The following KIR3DL3 variants were observed in gnomAD, a reference collection of about 807,000 sequenced individuals.
KIR3DL3 encodes the protein killer cell immunoglobulin-like receptor 3DL3.
KIR3DL3 carries 27 observed loss-of-function variants against 34.9 expected under a neutral mutation model. The observed-to-expected ratio is 0.77, with a 90% CI of 0.57 to 1.07. The LOEUF is 1.07. Among genes scored for constraint, KIR3DL3 ranks in the 50% least tolerant of loss-of-function variants. The probability of loss-of-function intolerance (pLI) is 0.00; values close to 1 mark genes in which losing one functional copy is unlikely to be tolerated. For missense variants in KIR3DL3, 681 were observed against 528.5 expected (o/e 1.29, Z -2.83); for synonymous variants, 217 against 200.2 (o/e 1.08, Z -0.71).
At chr19:54,734,390 C>A (rs1364179576) in intron 5 of KIR3DL3, among the ~76,000 whole-genome samples, 3 of 150,624 alleles carry the variant, frequency 2.0e-5, no homozygotes, top group African/African-American at 2.4e-5. Context: ...ACAACAGAAA[C>A]CTACATTTCA....
chr19:54,725,423 G>T lies in KIR3DL3; in HGVS notation c.70+141G>T, dbSNP rs2146743329. ...GGGAATCTCTCATGAACTAGGAAAAGGAAGCCAGGGGAAGCTTCGCCACAG... is the reference window on the plus strand; with the variant it reads ...GGGAATCTCTCATGAACTAGGAAAATGAAGCCAGGGGAAGCTTCGCCACAG... On this transcript the variant is annotated intron_variant, in intron 2 of 7. Transcript: ENST00000291860. 6 of 699,918 alleles carry T rather than the reference G, an allele frequency of 8.6e-6. No individual in the cohort carries two copies. The East Asian group carries it at 1.6e-4, about 18-fold the overall frequency. The allele number at this position is 699,918 out of a possible 1,614,324, so 43.4% of individuals were successfully genotyped here. A position where few individuals can be genotyped will look rare whatever the true frequency, so the allele number is the denominator to read the frequency against.
Position 54,729,400 on chromosome 19 carries a change from T to C in KIR3DL3, c.656-93T>C, listed in dbSNP as rs1225575730. On this transcript the variant is annotated intron_variant, in intron 4 of 7. Transcript: ENST00000291860. ...TGAGAGAGAGAAAGAGAGCATTAAG[T>C]CATAGAGCAGGGGAGTGAGTTCTCA... The C allele has an allele frequency of 2.2e-5, 28 of 1,250,036 alleles. No homozygotes were observed. In the South Asian group the frequency reaches 3.8e-4, roughly 17 times the overall value. The allele number at this position is 1,250,036 out of a possible 1,614,324, so 77.4% of individuals were successfully genotyped here. A position where few individuals can be genotyped will look rare whatever the true frequency, so the allele number is the denominator to read the frequency against.
Position 54,735,270 on chromosome 19 carries a change from C to A in KIR3DL3, c.967C>A (p.His323Asn), listed in dbSNP as rs1480255798. ...TCCTCCAGGTAACTCCAGAAACCTGCACGTTCTGATTGGGACCTCAGTGGT... is the reference window on the plus strand; with the variant it reads ...TCCTCCAGGTAACTCCAGAAACCTGAACGTTCTGATTGGGACCTCAGTGGT... ...VSVTGNSRNL[H>N]VLIGTSVVII... Residue 323 changes from histidine to asparagine, a missense_variant, in exon 6 of 8, where the codon CAC (histidine) becomes AAC (asparagine). Physicochemically the swap from His to Asn is moderately conservative, Grantham distance 68. Transcript: ENST00000291860. 2.6e-6 allele frequency: 4 copies of A among 1,511,308 alleles called. No homozygotes were observed. In the African/African-American group the frequency reaches 4.4e-5, roughly 17 times the overall value. 93.6% of individuals were successfully genotyped at this position (1,511,308 alleles called of 1,614,324 possible). A position where few individuals can be genotyped will look rare whatever the true frequency, so the allele number is the denominator to read the frequency against.
chr19:54,733,611 G>A (rs76445578), intron 5 of KIR3DL3, among the ~76,000 whole-genome samples: 21,413 of 152,200 alleles, frequency 0.14, 2,111 homozygotes, highest in East Asian at 0.5. Context: ...ATTTCTCTGT[G>A]TTTAATTCTT....
At chr19:54,724,880 GAGATATGGGCCTGGAACTGT>G (rs2067978000) in intron 1 of KIR3DL3, among the ~76,000 whole-genome samples, 1 of 138,098 alleles carries the variant, frequency 7.2e-6, no homozygotes, top group African/African-American at 2.7e-5. Flanking sequence ...CCTGGAGGTG[GAGATATGGGCCTGGAACTGT>G]AGATATGGGC....
rs2068127982 is a variant in KIR3DL3, at chr19:54,726,063, C to G, written c.81C>G (p.Asp27Glu). The G allele has an allele frequency of 6.2e-7, 1 of 1,611,566 alleles. No individual in the cohort carries two copies. The highest frequency in any genetic ancestry group is 8.5e-7 in the Non-Finnish European group (1 of 1,178,356). ...EGPWPHVGGQ[D>E]KPFLSAWPGT... Reference sequence around the variant, plus strand: ...CTCCTTCTCCCCCAGGTGGTCAGGACAAGCCCTTCCTCTCTGCCTGGCCCG... The same window carrying G: ...CTCCTTCTCCCCCAGGTGGTCAGGAGAAGCCCTTCCTCTCTGCCTGGCCCG... Residue 27 changes from aspartate (D) to glutamate (E), a missense_variant, in exon 3 of 8, where the codon GAC (aspartate) becomes GAG (glutamate). Coordinates refer to ENST00000291860, the MANE Select transcript of KIR3DL3 (RefSeq NM_153443.5).
chr19:54,724,524 T>C lies in KIR3DL3; in HGVS notation c.28T>C (p.Cys10Arg). The C allele has an allele frequency of 6.2e-7, 1 of 1,611,622 alleles. No individual in the cohort carries two copies. Among genetic ancestry groups the C allele is most frequent in the South Asian group, 1.1e-5 (1 of 90,968 alleles). Residue 10 changes from cysteine (C) to arginine (R), a missense_variant, in exon 1 of 8, where the codon TGT (cysteine) becomes CGT (arginine). By Grantham distance (180) the Cys-to-Arg change is radical (BLOSUM62 -3). Coordinates refer to ENST00000291860, the MANE Select transcript of KIR3DL3 (RefSeq NM_153443.5). ...GTCGCTCATGGTCGTCAGCATGGCG[T>C]GTGTTGGTGAGTCCTGGAAGGGAAT... The part of the protein sequence containing the change: MSLMVVSMA[C>R]VGFFLLEGPW...
At chr19:54,730,642 G>A (rs1408932780) in intron 5 of KIR3DL3, among the ~76,000 whole-genome samples, 4 of 151,614 alleles carry the variant, frequency 2.6e-5, no homozygotes, top group Non-Finnish European at 4.4e-5. Context: ...CTGGCCTCTG[G>A]TAGCCACCAT....
chr19:54,730,469 T>G (rs35469929), intron 5 of KIR3DL3, among the ~76,000 whole-genome samples: 112,828 of 149,212 alleles, frequency 0.76, 42,898 homozygotes, highest in East Asian at 0.99. Context: ...AGCTACTTGG[T>G]AGGGTTGGGC....
At chr19:54,729,878 T>G (rs2068622984) in intron 5 of KIR3DL3, 92 bp downstream of exon 5, 8 of 1,277,710 alleles carry the variant, frequency 6.3e-6, no homozygotes. Flanking sequence ...CATGGACAGA[T>G]GCCGAGACAG....
At chr19:54,726,771 G>A (rs2068229381) in intron 3 of KIR3DL3, among the ~76,000 whole-genome samples, 1 of 133,946 alleles carries the variant, frequency 7.5e-6, no homozygotes, top group Non-Finnish European at 1.6e-5. Flanking sequence ...GAGCCACAAA[G>A]GCAGGTGGCC....
intron 5 of KIR3DL3, among the ~76,000 whole-genome samples, chr19:54,731,292 C>T (rs1478095196): frequency 2.6e-5 from 4 of 152,058 alleles, no homozygotes; most frequent in Non-Finnish European, 5.9e-5. Context: ...AGGCATGAAC[C>T]ACTGTGCCCG....
intron 5 of KIR3DL3, among the ~76,000 whole-genome samples, chr19:54,734,846 G>A (rs142430937): frequency 0.019 from 2,382 of 124,216 alleles, 117 homozygotes; most frequent in South Asian, 0.053. Flanking sequence ...GGACCAAGGG[G>A]GAGGGGGAGC....
intron 5 of KIR3DL3, among the ~76,000 whole-genome samples, chr19:54,733,265 G>A (rs1485048200): frequency 2.0e-5 from 3 of 152,066 alleles, no homozygotes; most frequent in East Asian, 3.9e-4. Flanking sequence ...GTGGATGGGG[G>A]CTCACACCTG....
At chr19:54,734,056 T>C (rs2069141084) in intron 5 of KIR3DL3, among the ~76,000 whole-genome samples, 1 of 152,210 alleles carries the variant, frequency 6.6e-6, no homozygotes, top group Admixed American at 6.5e-5. Context: ...AAGTAGCATG[T>C]TGTTCCTGGG....
chr19:54,729,568 G>A lies in KIR3DL3; in HGVS notation c.731G>A (p.Cys244Tyr). The A allele has an allele frequency of 6.2e-7, 1 of 1,606,884 alleles. No individual in the cohort carries two copies. ...GCAGGAGAGAATGTGACCTTGTCCT[G>A]CAGCTCCCGGAGCTTGTTTGACATT... ...VQAGENVTLS[C>Y]SSRSLFDIYH... The change falls in exon 5 of 8, where the codon TGC (cysteine) becomes TAC (tyrosine). Residue 244 changes from cysteine (C) to tyrosine (Y), a missense_variant. By Grantham distance (194) the Cys-to-Tyr change is radical. Coordinates refer to ENST00000291860, the MANE Select transcript of KIR3DL3 (RefSeq NM_153443.5).
Position 54,727,647 on chromosome 19 carries a change from GT to G in KIR3DL3, c.393del (p.Leu133TrpfsTer2). The G allele has an allele frequency of 6.2e-7, 1 of 1,611,896 alleles. No homozygotes were observed. Among genetic ancestry groups the G allele is most frequent in the South Asian group, 1.1e-5 (1 of 90,952 alleles). ...AAACCTTCCCTCCTGGCCCACCCAGGTCCCCTGGTGAAATCAGGAGAGACGG... is the reference window on the plus strand; with the variant it reads ...AAACCTTCCCTCCTGGCCCACCCAGGCCCCTGGTGAAATCAGGAGAGACGG... ...HRKPSLLAHP[G>X]PLVKSGETVI... On this transcript the variant is annotated frameshift_variant, in exon 4 of 8. Coordinates refer to ENST00000291860, the MANE Select transcript of KIR3DL3 (RefSeq NM_153443.5). LOFTEE classifies it high-confidence loss of function.
At chr19:54,728,000 G>A in intron 4 of KIR3DL3, 90 bp downstream of exon 4, 16 of 1,301,344 alleles carry the variant, frequency 1.2e-5, no homozygotes, top group Non-Finnish European at 1.7e-5. Context: ...TGAGGAAGAT[G>A]AGTGTGGGGT....
chr19:54,726,390 G>C, intron 3 of KIR3DL3, 53 bp downstream of exon 3: 1 of 1,578,736 alleles, frequency 6.3e-7, no homozygotes, highest in South Asian at 1.1e-5. Flanking sequence ...GAATCCCAGA[G>C]CTTCTGGTGG....
Sources: gnomAD v4.1 joint callset for allele counts (sites outside exome capture counted in the v4.1 genomes callset) on GRCh38, gnomAD v4.1.1 for gene constraint, MANE v1.5 for transcripts, NCBI Gene and HGNC (gene_info 2026-07-23, HGNC 2026-07-21) for gene names.